EYS: variants seen among roughly 807,000 people sequenced by gnomAD.
EYS encodes protein eyes shut homolog.
In EYS, 250 loss-of-function variants were observed where a neutral mutation model predicts 282.1. That is an observed-to-expected ratio of 0.89 (90% CI 0.80 to 0.98). The LOEUF (loss-of-function observed/expected upper bound fraction) is 0.98, where lower values mean the gene tolerates loss of function less well. EYS is among the 50% of genes least tolerant of loss of function. The pLI, the probability that EYS is intolerant of heterozygous loss-of-function variation, is 0.00. For synonymous variants in EYS, 1,355 were observed against 1,282.9 expected, an observed-to-expected ratio of 1.06 and a Z score of -1.20; for missense variants, 4,016 against 3,709.0, an observed-to-expected ratio of 1.08 and a Z score of -2.15.
chr6:64,689,624 CAG>C (rs1466233212), intron 22 of EYS, among the ~76,000 whole-genome samples: 2 of 152,110 alleles, frequency 1.3e-5, no homozygotes, highest in Non-Finnish European at 2.9e-5. Flanking sequence ...GGTACCAAAA[CAG>C]AGATATAGGG....
chr6:64,570,090 A>G (rs1765678669), intron 26 of EYS, among the ~76,000 whole-genome samples: 1 of 152,246 alleles, frequency 6.6e-6, no homozygotes, highest in Admixed American at 6.5e-5. Flanking sequence ...CTAACAATGG[A>G]TGTCTCTGAA....
chr6:64,266,768 G>C (rs964701040), intron 30 of EYS, among the ~76,000 whole-genome samples: 4 of 152,096 alleles, frequency 2.6e-5, no homozygotes, highest in South Asian at 4.1e-4. Flanking sequence ...ACTCTCTAGG[G>C]GACATGGGCT....
chr6:63,864,737 G>C (rs548014365), intron 35 of EYS, among the ~76,000 whole-genome samples: 1 of 152,270 alleles, frequency 6.6e-6, no homozygotes, highest in South Asian at 2.1e-4. Context: ...TAGACTCAAA[G>C]CTCAGAGGAG....
intron 22 of EYS, among the ~76,000 whole-genome samples, chr6:64,720,322 G>C (rs1214804592): frequency 6.6e-6 from 1 of 152,044 alleles, no homozygotes; most frequent in African/African-American, 2.4e-5. Context: ...GGGTCCTTAT[G>C]ATTACATCAG....
At chr6:65,206,015 A>G (rs1766024235) in intron 12 of EYS, among the ~76,000 whole-genome samples, 1 of 151,848 alleles carries the variant, frequency 6.6e-6, no homozygotes, top group Admixed American at 6.6e-5. Context: ...AAGCTCGCAG[A>G]AGAAAAGAAA....
intron 28 of EYS, among the ~76,000 whole-genome samples, chr6:64,392,767 T>A (rs1390777689): frequency 6.7e-6 from 1 of 148,748 alleles, no homozygotes; most frequent in African/African-American, 2.5e-5. Flanking sequence ...AGGCAAGAAA[T>A]AACTAAAATC....
At chr6:64,270,422 T>G (rs1017804085) in intron 30 of EYS, among the ~76,000 whole-genome samples, 1 of 151,998 alleles carries the variant, frequency 6.6e-6, no homozygotes, top group African/African-American at 2.4e-5. Context: ...GACCTAGCAG[T>G]TAAAGATTTA....
In EYS at chr6:64,641,695, G is replaced by A. The variant is rs561079409; in HGVS notation, c.3444-15450C>T. On this transcript the variant is annotated intron_variant, in intron 22 of 42. Transcript: ENST00000503581. ...ACACCCAGGCTGGGGACTGGTACAGGTCCATGGCCTGTTAGGAACTGGGCT... is the reference window on the plus strand; with the variant it reads ...ACACCCAGGCTGGGGACTGGTACAGATCCATGGCCTGTTAGGAACTGGGCT... Among the ~76,000 whole-genome samples, 3 of 152,252 alleles carry A rather than the reference G, an allele frequency of 2.0e-5. No homozygotes were observed. The East Asian group carries it at 5.8e-4, about 29-fold the overall frequency.
chr6:64,953,187 T>C (rs1172880017), intron 14 of EYS, among the ~76,000 whole-genome samples: 1 of 151,852 alleles, frequency 6.6e-6, no homozygotes, highest in Non-Finnish European at 1.5e-5. Flanking sequence ...ATTAGAATTA[T>C]TGTATTTTAT....
chr6:63,809,571 G>A (rs1385764825), intron 36 of EYS, among the ~76,000 whole-genome samples: 1 of 152,140 alleles, frequency 6.6e-6, no homozygotes, highest in Non-Finnish European at 1.5e-5. Flanking sequence ...AGAAAAAAGG[G>A]AGATGCTGGA....
intron 21 of EYS, chr6:64,815,259 T>TA (rs1337931607): frequency 2.2e-6 from 1 of 459,904 alleles, no homozygotes; most frequent in African/African-American, 2.0e-5. Flanking sequence ...CAAGAGCACA[T>TA]AGTAGACTAT....
At chr6:63,872,999 T>C (rs1772853730) in intron 35 of EYS, among the ~76,000 whole-genome samples, 1 of 142,838 alleles carries the variant, frequency 7.0e-6, no homozygotes, top group Non-Finnish European at 1.6e-5. Context: ...AATATCTTTT[T>C]TTGTTTTTTA....
At chr6:64,416,139 A>G (rs1450485987) in intron 28 of EYS, among the ~76,000 whole-genome samples, 1 of 152,214 alleles carries the variant, frequency 6.6e-6, no homozygotes, top group Non-Finnish European at 1.5e-5. Context: ...TAGTGGCAGA[A>G]ATCAATGGCT....
chr6:64,665,970 T>C (rs1396127581), intron 22 of EYS, among the ~76,000 whole-genome samples: 1 of 152,198 alleles, frequency 6.6e-6, no homozygotes, highest in African/African-American at 2.4e-5. Flanking sequence ...CTGTTATCCT[T>C]AGCAAACTAA....
intron 12 of EYS, among the ~76,000 whole-genome samples, chr6:65,194,988 G>T (rs2150242230): frequency 6.6e-6 from 1 of 151,862 alleles, no homozygotes; most frequent in Middle Eastern, 3.4e-3. Context: ...TATTACAAAG[G>T]CTGTATGTTA....
chr6:65,179,168 A>T (rs943177921), intron 12 of EYS, among the ~76,000 whole-genome samples: 1 of 152,108 alleles, frequency 6.6e-6, no homozygotes, highest in Non-Finnish European at 1.5e-5. Context: ...AAGCAAGAGC[A>T]AACACCTTCA....
intron 22 of EYS, among the ~76,000 whole-genome samples, chr6:64,757,316 C>A (rs2149975154): frequency 6.6e-6 from 1 of 152,286 alleles, no homozygotes; most frequent in East Asian, 1.9e-4. Flanking sequence ...CTTCACTGCT[C>A]CCACACGTCT....
intron 22 of EYS, among the ~76,000 whole-genome samples, chr6:64,783,293 T>C (rs1773916431): frequency 6.6e-6 from 1 of 151,566 alleles, no homozygotes; most frequent in South Asian, 2.1e-4. Context: ...CCTATATACA[T>C]ATCCTATATA....
intron 31 of EYS, among the ~76,000 whole-genome samples, chr6:64,219,905 A>G (rs1766045230): frequency 7.1e-6 from 1 of 140,548 alleles, no homozygotes; most frequent in South Asian, 2.3e-4. Context: ...GCTGGAAACC[A>G]TCATTCTCAG....
Sources: allele counts gnomAD v4.1 joint callset (sites outside exome capture counted in the v4.1 genomes callset), GRCh38; gene constraint gnomAD v4.1.1; transcripts MANE v1.5; gene names NCBI Gene and HGNC (gene_info 2026-07-23, HGNC 2026-07-21).